NUDT13: variants seen among roughly 807,000 people sequenced by gnomAD.
The protein encoded by NUDT13 is NAD(P)H pyrophosphatase NUDT13, mitochondrial.
NUDT13 carries 40 observed loss-of-function variants against 41.7 expected under a neutral mutation model. The observed-to-expected ratio is 0.96, with a 90% CI of 0.75 to 1.25. The LOEUF is 1.25. Among genes scored for constraint, NUDT13 ranks in the 50% most tolerant of loss-of-function variants. NUDT13 has a pLI of 0.00. For synonymous variants in NUDT13, 145 were observed against 155.5 expected, an observed-to-expected ratio of 0.93 and a Z score of 0.50; for missense variants, 390 against 416.1, an observed-to-expected ratio of 0.94 and a Z score of 0.55.
At chr10:73,126,108 C>T in intron 7 of NUDT13, 1 of 258,892 alleles carries the variant, frequency 3.9e-6, no homozygotes, top group Admixed American at 3.7e-5. Context: ...GTAGGGAGGC[C>T]ACAAGCTTTG....
intron 7 of NUDT13, 41 bp downstream of exon 7, chr10:73,125,550 T>TAC: frequency 1.6e-6 from 2 of 1,245,450 alleles, no homozygotes; most frequent in Non-Finnish European, 2.3e-6. Flanking sequence ...CTGGAAGATA[T>TAC]ACAATCTTAC....
At chr10:73,124,915 C>A (rs1311344173) in intron 5 of NUDT13, 3 of 503,930 alleles carry the variant, frequency 6.0e-6, no homozygotes, top group Non-Finnish European at 1.0e-5. Flanking sequence ...AATATGCTTT[C>A]TTTTATTCAG....
At chr10:73,118,463 C>T (rs1353086656) in intron 2 of NUDT13, among the ~76,000 whole-genome samples, 1 of 152,160 alleles carries the variant, frequency 6.6e-6, no homozygotes, top group African/African-American at 2.4e-5. Flanking sequence ...ACCTGAGCGT[C>T]TGTTTTAGGG....
intron 4 of NUDT13, among the ~76,000 whole-genome samples, chr10:73,123,926 C>T (rs918000475): frequency 6.6e-6 from 1 of 151,996 alleles, no homozygotes; most frequent in Non-Finnish European, 1.5e-5. Flanking sequence ...CCCAAAGTGC[C>T]GTACCTGGCC....
intron 4 of NUDT13, among the ~76,000 whole-genome samples, chr10:73,123,211 A>ATGAATGT (rs1842689763): frequency 2.6e-5 from 4 of 152,134 alleles, no homozygotes; most frequent in Admixed American, 2.0e-4. Context: ...CATTTTGTAT[A>ATGAATGT]TTTCAGTATT....
At chr10:73,121,710 T>C (rs1187947796) in intron 3 of NUDT13, among the ~76,000 whole-genome samples, 2 of 152,146 alleles carry the variant, frequency 1.3e-5, no homozygotes, top group Non-Finnish European at 2.9e-5. Flanking sequence ...AGGTGTGCAC[T>C]TCACTGCACC....
intron 2 of NUDT13, among the ~76,000 whole-genome samples, chr10:73,115,365 A>T (rs1346699399): frequency 6.6e-6 from 1 of 151,920 alleles, no homozygotes; most frequent in East Asian, 1.9e-4. Flanking sequence ...TTGTGTAGAG[A>T]CAGGGTTTTG....
rs1388700787 is a variant in NUDT13 at position 73,126,833 on chromosome 10, T to A, written c.858+6T>A. 3 of 1,613,202 alleles carry A rather than the reference T, an allele frequency of 1.9e-6. No homozygotes were observed. The South Asian group carries it at 3.3e-5, about 18-fold the overall frequency. On this transcript the variant is annotated splice_donor_region_variant and intron_variant, in intron 8 of 8. Transcript: ENST00000357321. Reference sequence around the variant, plus strand: ...TGAAACCAGGGCAGACAGAAGTAAGTTCTCATCTTCCCTTATACTGTGATA... The same window carrying A: ...TGAAACCAGGGCAGACAGAAGTAAGATCTCATCTTCCCTTATACTGTGATA...
intron 2 of NUDT13, among the ~76,000 whole-genome samples, chr10:73,119,151 T>C (rs1842581603): frequency 6.6e-6 from 1 of 151,864 alleles, no homozygotes; most frequent in African/African-American, 2.4e-5. Flanking sequence ...GTTCAAGCGA[T>C]TCTTCGGCCT....
rs1162104514 is a variant in NUDT13 at position 73,122,233 on chromosome 10, G to A, written c.282G>A (p.Val94=). The A allele has an allele frequency of 1.2e-6, 2 of 1,614,042 alleles. No individual in the cohort carries two copies. The highest frequency in any genetic ancestry group is 2.7e-5 in the African/African-American group (2 of 74,930). The change falls in exon 4 of 9, where the codon GTG becomes GTA. Residue 94 remains valine, a synonymous_variant. Transcript: ENST00000357321. ...ATGCACAAAGAATAGAAGATTCTGT[G>A]CTGATTGGATGCTCTGAGCAGCAGG... The part of the protein sequence containing the change: ...GQDAQRIEDS[V]LIGCSEQQEA...
chr10:73,128,539 T>C (rs1842843698), intron 8 of NUDT13, among the ~76,000 whole-genome samples: 1 of 152,242 alleles, frequency 6.6e-6, no homozygotes, highest in Non-Finnish European at 1.5e-5. Flanking sequence ...AATACCTTCT[T>C]TGGAGAAATG....
chr10:73,130,668 T>C (rs750616069), intron 8 of NUDT13, 35 bp from the exon 9 acceptor site: 1 of 1,577,802 alleles, frequency 6.3e-7, no homozygotes, highest in Non-Finnish European at 8.7e-7. Flanking sequence ...TTGTAGCTCC[T>C]GACCTTACAT....
chr10:73,121,516 G>T (rs1383933765), intron 3 of NUDT13, among the ~76,000 whole-genome samples: 1 of 152,090 alleles, frequency 6.6e-6, no homozygotes, highest in African/African-American at 2.4e-5. Flanking sequence ...AAGTGTATAG[G>T]ATTTCTCCCT....
chr10:73,130,908 G>T lies in NUDT13; in HGVS notation c.*5G>T, dbSNP rs373812660. On this transcript the variant is annotated 3_prime_UTR_variant, in exon 9 of 9. Transcript: ENST00000357321. ...TGTTCTTCCCTGCCTGCTTAGCCCG[G>T]ATCAAGTCACTTAGATCGCTCCTTG... The T allele has an allele frequency of 1.2e-6, 2 of 1,611,686 alleles. No individual in the cohort carries two copies. The highest frequency in any genetic ancestry group is 1.7e-5 in the Admixed American group (1 of 59,982).
chr10:73,130,995 C>CAG lies in NUDT13; in HGVS notation c.*94_*95dup, dbSNP rs1165116410. The CAG allele has an allele frequency of 3.6e-6, 4 of 1,107,494 alleles. No homozygotes were observed. Among genetic ancestry groups the CAG allele is most frequent in the Non-Finnish European group, 5.4e-6 (4 of 743,836 alleles). The allele number at this position is 1,107,494 out of a possible 1,614,324, so 68.6% of individuals were successfully genotyped here. ...AGGAGAAGTGACAAAAGATAAGCTG[C>CAG]AGAAGGACCTCAGAAGGGCAGAGCA... is the stretch of plus-strand genomic sequence containing the variant. On this transcript the variant is annotated 3_prime_UTR_variant, in exon 9 of 9. Transcript: ENST00000357321.
intron 7 of NUDT13, 57 bp from the exon 8 acceptor site, chr10:73,126,616 G>A (rs1842787677): frequency 1.3e-6 from 2 of 1,579,772 alleles, no homozygotes; most frequent in South Asian, 2.3e-5. Flanking sequence ...CAAATGGGCT[G>A]TCTGTATCAC....
chr10:73,129,743 C>T (rs1842871654), intron 8 of NUDT13, among the ~76,000 whole-genome samples: 2 of 150,514 alleles, frequency 1.3e-5, no homozygotes, highest in Admixed American at 6.6e-5. Flanking sequence ...TTTGGGAGGC[C>T]GAGGCAGGTG....
In NUDT13 at chr10:73,121,036, A is replaced by G. The variant is rs140208615; in HGVS notation, c.223+879A>G. On this transcript the variant is annotated intron_variant, in intron 3 of 8. Coordinates refer to ENST00000357321, the MANE Select transcript of NUDT13 (RefSeq NM_015901.6). ...AATTTGCTTTTAGAACCCTTTTAGC[A>G]TATTTAACTAAAGATATCTAAGCCA... is the stretch of plus-strand genomic sequence containing the variant. Among the ~76,000 whole-genome samples the G allele has an allele frequency of 2.6e-5, 4 of 152,198 alleles. No individual in the cohort carries two copies. The East Asian group carries it at 7.7e-4, about 29-fold the overall frequency.
At chr10:73,112,660 C>G (rs888514815) in intron 1 of NUDT13, among the ~76,000 whole-genome samples, 3 of 151,656 alleles carry the variant, frequency 2.0e-5, no homozygotes, top group Non-Finnish European at 4.4e-5. Context: ...TATTTAATAT[C>G]TACTTTCTTA....
Sources: gnomAD v4.1 joint callset for allele counts (sites outside exome capture counted in the v4.1 genomes callset) on GRCh38, gnomAD v4.1.1 for gene constraint, MANE v1.5 for transcripts, NCBI Gene and HGNC (gene_info 2026-07-23, HGNC 2026-07-21) for gene names.